The following SECISBP2 variants were observed in gnomAD, a reference collection of about 807,000 sequenced individuals.
SECISBP2 encodes selenocysteine insertion sequence-binding protein 2.
Under a neutral mutation model 98.2 loss-of-function variants are expected in SECISBP2, and 96 were observed. The observed-to-expected ratio is 0.98, with a 90% CI of 0.83 to 1.16. The LOEUF (loss-of-function observed/expected upper bound fraction) is 1.16, where lower values mean the gene tolerates loss of function less well. SECISBP2 is among the 50% of genes most tolerant of loss of function. The pLI is 0.00. For synonymous variants in SECISBP2, 407 were observed against 370.2 expected (o/e 1.10, Z -1.14); for missense variants, 1,046 against 1,022.9 (o/e 1.02, Z -0.31).
At position 89,358,759 on chromosome 9, in the gene SECISBP2, T is replaced by C. The variant is rs1023619883; in HGVS notation, c.2500T>C (p.Cys834Arg). Residue 834 changes from cysteine (C) to arginine (R), a missense_variant, in exon 17 of 17, where the codon TGT becomes CGT. Cys to Arg is a radical substitution (Grantham distance 180). Transcript: ENST00000375807. ...AAAACATCTGGAAGCATACAGTGGA[T>C]GTACCCTGGAGCTAGAAGAATCCTT... ...WKKHLEAYSG[C>R]TLELEESLEA... 7 of 1,613,888 alleles carry C rather than the reference T, an allele frequency of 4.3e-6. No individual in the cohort carries two copies. The African/African-American group carries it at 9.3e-5, about 22-fold the overall frequency.
downstream of SECISBP2, chr9:89,362,531 G>A: frequency 1.3e-6 from 2 of 1,597,958 alleles, no homozygotes; most frequent in Non-Finnish European, 1.7e-6. Context: ...GAGCACTCAA[G>A]GCCTCAGCCC....
intron 14 of SECISBP2, among the ~76,000 whole-genome samples, chr9:89,353,314 GTC>G (rs1831564881): frequency 6.6e-6 from 1 of 152,188 alleles, no homozygotes. Context: ...GCCCCTGGGT[GTC>G]TCTGTCTCCC....
chr9:89,347,818 C>A (rs1413713878), intron 11 of SECISBP2, among the ~76,000 whole-genome samples: 1 of 152,180 alleles, frequency 6.6e-6, no homozygotes, highest in Non-Finnish European at 1.5e-5. Context: ...GGTGCTCAGG[C>A]AAGTGCTGAG....
At chr9:89,328,959 T>G (rs1223893744) in intron 5 of SECISBP2, 73 bp downstream of exon 5, 27 of 1,261,058 alleles carry the variant, frequency 2.1e-5, no homozygotes, top group Non-Finnish European at 2.9e-5. Flanking sequence ...ACATTACACA[T>G]TAAATCTTGC....
intron 14 of SECISBP2, among the ~76,000 whole-genome samples, chr9:89,353,461 C>T (rs1336875684): frequency 6.6e-6 from 1 of 152,190 alleles, no homozygotes; most frequent in Non-Finnish European, 1.5e-5. Flanking sequence ...TGTGCTGTGC[C>T]TCACCAGAGG....
rs1564418874 is a variant in SECISBP2 at position 89,348,042 on chromosome 9, G to GT, written c.1603-36dup. ...AGAAGAGCTTATCTTTTAAGTACAA[G>GT]TATTTAGGCATTTTAATTGTTTATT... On this transcript the variant is annotated intron_variant, in intron 11 of 16. Coordinates refer to ENST00000375807, the MANE Select transcript of SECISBP2 (RefSeq NM_024077.5). The GT allele has an allele frequency of 5.1e-6, 8 of 1,568,718 alleles. No individual in the cohort carries two copies. In the Admixed American group the frequency reaches 1.4e-4, roughly 28 times the overall value.
At chr9:89,347,357 C>T (rs995976251) in intron 11 of SECISBP2, among the ~76,000 whole-genome samples, 1 of 152,058 alleles carries the variant, frequency 6.6e-6, no homozygotes, top group African/African-American at 2.4e-5. Context: ...TTCTTATGAT[C>T]CCCCTTCATC....
intron 11 of SECISBP2, among the ~76,000 whole-genome samples, chr9:89,347,360 C>T (rs1431388330): frequency 6.6e-6 from 1 of 152,098 alleles, no homozygotes; most frequent in Non-Finnish European, 1.5e-5. Flanking sequence ...TTATGATCCC[C>T]CTTCATCCTA....
chr9:89,333,246 G>A (rs948586486), intron 6 of SECISBP2, among the ~76,000 whole-genome samples: 10 of 152,188 alleles, frequency 6.6e-5, no homozygotes, highest in Admixed American at 2.0e-4. Context: ...GAACTCAGCA[G>A]TAACTACTTC....
rs1554720205 is a variant in SECISBP2, at chr9:89,336,108, T to TC, written c.1089+1379dup. On this transcript the variant is annotated intron_variant, in intron 7 of 16. Coordinates refer to ENST00000375807, the MANE Select transcript of SECISBP2 (RefSeq NM_024077.5). ...TTTTTTTTTTTTTTTTTTTTTTTTT[T>TC]CACTGCAGCTTTGATCTCCCTGGCT... 1.4e-3 allele frequency among the ~76,000 whole-genome samples: 190 copies of TC among 133,648 alleles called. 1 individual carries two copies. Among genetic ancestry groups the TC allele is most frequent in the African/African-American group, 4.6e-3 (170 of 36,864 alleles). The allele number at this position is 133,648 out of a possible 152,430, so 87.7% of individuals were successfully genotyped here. A position where few individuals can be genotyped will look rare whatever the true frequency, so the allele number is the denominator to read the frequency against.
chr9:89,363,452 A>G (rs766979797), downstream of SECISBP2: 4 of 1,613,792 alleles, frequency 2.5e-6, no homozygotes, highest in South Asian at 1.1e-5. Flanking sequence ...CCAGCTCTGC[A>G]TCATCCGGTC....
At chr9:89,325,828 A>G (rs56400724) in intron 3 of SECISBP2, 69 bp from the exon 4 acceptor site, 35,094 of 1,603,210 alleles carry the variant, frequency 0.022, 532 homozygotes, top group South Asian at 0.056. Flanking sequence ...AATACTTAAT[A>G]TTTTGCTGCT....
At chr9:89,360,028 G>A (rs1173190475), downstream of SECISBP2, among the ~76,000 whole-genome samples, 1 of 152,230 alleles carries the variant, frequency 6.6e-6, no homozygotes, top group Non-Finnish European at 1.5e-5. Flanking sequence ...GGAATAGTGA[G>A]TCAGAAATGA....
intron 14 of SECISBP2, among the ~76,000 whole-genome samples, chr9:89,354,442 C>G (rs1371857157): frequency 6.6e-6 from 1 of 152,124 alleles, no homozygotes; most frequent in East Asian, 1.9e-4. Flanking sequence ...CTTAATATCC[C>G]AGAGACAAGT....
intron 2 of SECISBP2, among the ~76,000 whole-genome samples, chr9:89,320,998 A>G (rs1377245052): frequency 6.6e-6 from 1 of 152,238 alleles, no homozygotes; most frequent in Admixed American, 6.5e-5. Context: ...ATTGTAATGA[A>G]TAAGAAAATG....
chr9:89,326,809 A>G (rs1210494533), intron 4 of SECISBP2, among the ~76,000 whole-genome samples: 3 of 152,186 alleles, frequency 2.0e-5, no homozygotes, highest in African/African-American at 7.2e-5. Flanking sequence ...AAACCTTTAG[A>G]CCATATTATT....
chr9:89,345,633 G>A (rs891630443), intron 10 of SECISBP2, among the ~76,000 whole-genome samples: 48 of 152,200 alleles, frequency 3.2e-4, no homozygotes, highest in Non-Finnish European at 2.5e-4. Context: ...CCCTCCTCAG[G>A]CCCGGTGTCA....
chr9:89,321,528 G>T (rs1037716215), intron 2 of SECISBP2, among the ~76,000 whole-genome samples: 13 of 152,156 alleles, frequency 8.5e-5, no homozygotes, highest in Admixed American at 5.9e-4. Flanking sequence ...TTAGCCGGGT[G>T]TGGTGGCAGG....
At chr9:89,326,186 A>G in intron 4 of SECISBP2, 148 bp downstream of exon 4, 1 of 887,770 alleles carries the variant, frequency 1.1e-6, no homozygotes, top group Non-Finnish European at 1.8e-6. Flanking sequence ...TTAGGGCGTC[A>G]GACTTCCTGA....
Sources: allele counts gnomAD v4.1 joint callset (sites outside exome capture counted in the v4.1 genomes callset), GRCh38; gene constraint gnomAD v4.1.1; transcripts MANE v1.5; gene names NCBI Gene and HGNC (gene_info 2026-07-23, HGNC 2026-07-21).